Variants in MAML3 observed in about 807,000 individuals in gnomAD.
The protein encoded by MAML3 is mastermind like transcriptional coactivator 3.
In MAML3, 27 loss-of-function variants were observed where a neutral mutation model predicts 101.9. The observed-to-expected ratio is 0.27, with a 90% CI of 0.20 to 0.37. MAML3 has a LOEUF of 0.37. Among genes scored for constraint, MAML3 ranks in the 10% least tolerant of loss-of-function variants. The pLI is 1.00. For synonymous variants in MAML3, 501 were observed against 555.9 expected (o/e 0.90, Z 1.39); for missense variants, 1,316 against 1,444.9 (o/e 0.91, Z 1.45).
chr4:139,936,236 T>A (rs901843884), intron 1 of MAML3, among the ~76,000 whole-genome samples: 1 of 152,210 alleles, frequency 6.6e-6, no homozygotes, highest in African/African-American at 2.4e-5. Context: ...ATTGTTTATA[T>A]GTGTGTATAA....
chr4:139,837,835 G>T (rs1731284861), intron 2 of MAML3, among the ~76,000 whole-genome samples: 2 of 151,964 alleles, frequency 1.3e-5, no homozygotes, highest in Admixed American at 1.3e-4. Flanking sequence ...TAGGAGAATT[G>T]CTTGAACCTG....
chr4:139,736,973 A>G (rs1038735216), intron 2 of MAML3, among the ~76,000 whole-genome samples: 3 of 152,194 alleles, frequency 2.0e-5, no homozygotes, highest in Non-Finnish European at 2.9e-5. Context: ...GATGTTTGCA[A>G]TGCAAACCCA....
chr4:140,101,788 A>G (rs1402673), intron 1 of MAML3, among the ~76,000 whole-genome samples: 27,737 of 152,102 alleles, frequency 0.18, 3,033 homozygotes, highest in Middle Eastern at 0.35. Context: ...CAAATATGTT[A>G]TTCCACTATA....
At chr4:140,122,684 T>C (rs988480966) in intron 1 of MAML3, among the ~76,000 whole-genome samples, 13 of 148,394 alleles carry the variant, frequency 8.8e-5, no homozygotes, top group East Asian at 4.0e-4. Flanking sequence ...CCCAGCTACT[T>C]GGGAGGCTGC....
chr4:140,002,491 G>C (rs150746891), intron 1 of MAML3, among the ~76,000 whole-genome samples: 47 of 152,304 alleles, frequency 3.1e-4, no homozygotes, highest in African/African-American at 1.1e-3. Context: ...GAAACAGTAA[G>C]ACTGGTCAAC....
intron 3 of MAML3, among the ~76,000 whole-genome samples, chr4:139,726,274 T>A (rs937915494): frequency 6.6e-6 from 1 of 152,272 alleles, no homozygotes; most frequent in Admixed American, 6.5e-5. Context: ...TGTTGCTTGT[T>A]CATTCTCACT....
chr4:140,118,710 G>A (rs1229683603), intron 1 of MAML3, among the ~76,000 whole-genome samples: 2 of 152,064 alleles, frequency 1.3e-5, no homozygotes, highest in Non-Finnish European at 2.9e-5. Context: ...GGAAAGCCTC[G>A]ATTCATGCCT....
chr4:139,886,931 C>G (rs555189999), intron 2 of MAML3, among the ~76,000 whole-genome samples: 4 of 152,238 alleles, frequency 2.6e-5, no homozygotes, highest in African/African-American at 9.6e-5. Context: ...CTGTAAAAGA[C>G]AATTTTCTTG....
At chr4:139,968,913 C>G (rs895756899) in intron 1 of MAML3, among the ~76,000 whole-genome samples, 1 of 152,052 alleles carries the variant, frequency 6.6e-6, no homozygotes, top group Non-Finnish European at 1.5e-5. Context: ...CCCAGGGTAG[C>G]AAGCAGAGCA....
chr4:139,768,683 G>A (rs80095341), intron 2 of MAML3, among the ~76,000 whole-genome samples: 5,630 of 152,288 alleles, frequency 0.037, 130 homozygotes, highest in South Asian at 0.08. Flanking sequence ...CGCTGATGTT[G>A]AGAAGGTAGC....
rs181768423 is a variant in MAML3 at position 140,103,610 on chromosome 4, C to G, written c.468+49250G>C. Among the ~76,000 whole-genome samples, 416 of 152,262 alleles carry G rather than the reference C, an allele frequency of 2.7e-3. 1 individual carries two copies. The highest frequency in any genetic ancestry group is 9.5e-3 in the African/African-American group (396 of 41,550). On this transcript the variant is annotated intron_variant, in intron 1 of 4. Transcript: ENST00000509479. ...AAATTAAACCGGCATATTGGAGATACAACTTTACAGAAAGCATGAAGACAA... is the reference window on the plus strand; with the variant it reads ...AAATTAAACCGGCATATTGGAGATAGAACTTTACAGAAAGCATGAAGACAA...
chr4:140,121,487 GA>G (rs1282623582), intron 1 of MAML3, among the ~76,000 whole-genome samples: 6 of 152,166 alleles, frequency 3.9e-5, no homozygotes, highest in African/African-American at 7.2e-5. Flanking sequence ...CTTTGAAAGG[GA>G]AAAAGAGGTG....
chr4:139,833,395 C>T (rs1253713188), intron 2 of MAML3, among the ~76,000 whole-genome samples: 1 of 152,140 alleles, frequency 6.6e-6, no homozygotes, highest in Non-Finnish European at 1.5e-5. Flanking sequence ...CATCCTGGCC[C>T]GTCTGTGAAA....
chr4:139,852,064 G>C (rs528970061), intron 2 of MAML3, among the ~76,000 whole-genome samples: 1 of 152,184 alleles, frequency 6.6e-6, no homozygotes, highest in African/African-American at 2.4e-5. Flanking sequence ...TCACAGGCTA[G>C]AGTAAACATA....
intron 1 of MAML3, among the ~76,000 whole-genome samples, chr4:140,131,199 T>C (rs1728787929): frequency 6.6e-6 from 1 of 152,166 alleles, no homozygotes; most frequent in South Asian, 2.1e-4. Flanking sequence ...ATTCCTAGGA[T>C]TTAAGGTAGT....
intron 2 of MAML3, among the ~76,000 whole-genome samples, chr4:139,788,544 C>A (rs556240847): frequency 6.7e-4 from 102 of 152,214 alleles, no homozygotes; most frequent in Non-Finnish European, 1.1e-3. Flanking sequence ...TTAAAGTTAC[C>A]AATAAGAGTG....
intron 1 of MAML3, among the ~76,000 whole-genome samples, chr4:139,927,333 T>C (rs1323491083): frequency 6.6e-6 from 1 of 152,250 alleles, no homozygotes; most frequent in Admixed American, 6.5e-5. Flanking sequence ...TCAATATGTC[T>C]TATTATATGA....
intron 2 of MAML3, among the ~76,000 whole-genome samples, chr4:139,784,814 TTTG>T (rs1480158920): frequency 6.6e-6 from 1 of 152,200 alleles, no homozygotes; most frequent in African/African-American, 2.4e-5. Flanking sequence ...GCTTCATTTC[TTTG>T]TTGTCACCAG....
At chr4:140,018,786 T>A (rs1010547204) in intron 1 of MAML3, among the ~76,000 whole-genome samples, 3 of 152,224 alleles carry the variant, frequency 2.0e-5, no homozygotes, top group African/African-American at 7.2e-5. Context: ...TGGGACATAG[T>A]GTTTTTAACT....
Sources: allele counts gnomAD v4.1 joint callset (sites outside exome capture counted in the v4.1 genomes callset), GRCh38; gene constraint gnomAD v4.1.1; transcripts MANE v1.5; gene names NCBI Gene and HGNC (gene_info 2026-07-23, HGNC 2026-07-21).